COL4A4: variants seen among roughly 807,000 people sequenced by gnomAD.
COL4A4 encodes collagen type IV alpha 4 chain.
A neutral mutation model predicts 192.9 loss-of-function variants in COL4A4; 105 were observed. That is an observed-to-expected ratio of 0.54 (90% confidence interval 0.46 to 0.64). The LOEUF is 0.64. Among genes scored for constraint, COL4A4 ranks in the 30% least tolerant of loss-of-function variants. The probability of loss-of-function intolerance (pLI) is 0.00; values close to 1 mark genes in which losing one functional copy is unlikely to be tolerated. For synonymous variants in COL4A4, 762 were observed against 769.9 expected (o/e 0.99, Z 0.17); for missense variants, 1,967 against 2,169.3 (o/e 0.91, Z 1.85).
chr2:226,988,606 C>A, the COL4A4 span: 1 of 1,359,636 alleles, frequency 7.4e-7, no homozygotes, highest in Non-Finnish European at 9.5e-7. Flanking sequence ...GGGGCTCCAG[C>A]TGCCCCTCCG....
At chr2:227,050,720 T>C (rs368781865) in intron 33 of COL4A4, among the ~76,000 whole-genome samples, 71 of 152,290 alleles carry the variant, frequency 4.7e-4, no homozygotes, top group African/African-American at 1.7e-3. Context: ...CAAGTCTTCA[T>C]GGGTGGTTTA....
intron 18 of COL4A4, among the ~76,000 whole-genome samples, chr2:227,099,367 A>G (rs2060379739): frequency 1.3e-5 from 2 of 152,252 alleles, no homozygotes; most frequent in South Asian, 4.1e-4. Flanking sequence ...GAACCCAGCC[A>G]GTAAAATAGT....
chr2:226,970,044 A>G, the COL4A4 span, among the ~76,000 whole-genome samples: 1 of 127,594 alleles, frequency 7.8e-6, no homozygotes, highest in Non-Finnish European at 1.6e-5. Context: ...ACCTGGTCAC[A>G]TCGTCATCCC....
At chr2:227,039,385 G>C (rs990557658) in intron 37 of COL4A4, among the ~76,000 whole-genome samples, 1 of 152,106 alleles carries the variant, frequency 6.6e-6, no homozygotes, top group African/African-American at 2.4e-5. Context: ...TGGCCAGGCT[G>C]GTCTCGAACT....
chr2:227,130,843 A>G (rs532009303), intron 4 of COL4A4, among the ~76,000 whole-genome samples: 72 of 152,080 alleles, frequency 4.7e-4, no homozygotes, highest in South Asian at 1.0e-3. Context: ...GCATGCCTCT[A>G]ACTGCCTGCC....
chr2:227,088,514 C>A, intron 22 of COL4A4, 139 bp downstream of exon 22: 1 of 1,118,434 alleles, frequency 8.9e-7, no homozygotes, highest in Non-Finnish European at 1.3e-6. Context: ...GGCCTCCCCA[C>A]CCATACAGAA....
the COL4A4 span, among the ~76,000 whole-genome samples, chr2:226,986,771 G>A: frequency 6.6e-6 from 1 of 152,208 alleles, no homozygotes; most frequent in Non-Finnish European, 1.5e-5. Context: ...AGATAGTGTG[G>A]CGATTCCTCA....
intron 20 of COL4A4, among the ~76,000 whole-genome samples, chr2:227,093,031 T>C (rs1424782395): frequency 6.6e-6 from 1 of 152,154 alleles, no homozygotes; most frequent in Admixed American, 6.5e-5. Context: ...GGGATTTGAG[T>C]TATCCATACC....
chr2:227,128,226 A>G (rs1202183917), intron 4 of COL4A4, among the ~76,000 whole-genome samples: 1 of 152,148 alleles, frequency 6.6e-6, no homozygotes, highest in Non-Finnish European at 1.5e-5. Context: ...GCCTAGCACA[A>G]TGGAGGGTTC....
intron 24 of COL4A4, among the ~76,000 whole-genome samples, chr2:227,078,425 TAG>T (rs1453507260): frequency 1.3e-5 from 2 of 152,094 alleles, no homozygotes; most frequent in Non-Finnish European, 2.9e-5. Flanking sequence ...GTATTTTTAG[TAG>T]AGACTGAGTT....
chr2:227,014,769 G>A (rs990806430), intron 44 of COL4A4, among the ~76,000 whole-genome samples: 15 of 152,082 alleles, frequency 9.9e-5, no homozygotes, highest in Admixed American at 9.2e-4. Context: ...GGAGTGGAGT[G>A]GCACAATCTC....
intron 43 of COL4A4, among the ~76,000 whole-genome samples, chr2:227,024,808 T>C (rs1391985338): frequency 6.6e-6 from 1 of 152,248 alleles, no homozygotes; most frequent in Non-Finnish European, 1.5e-5. Context: ...TATGGGTGAC[T>C]TGAGAGAGAT....
At chr2:227,107,572 C>T (rs60266488) in intron 12 of COL4A4, among the ~76,000 whole-genome samples, 21,983 of 152,024 alleles carry the variant, frequency 0.14, 4,013 homozygotes, top group African/African-American at 0.43. Flanking sequence ...TACTCAATCA[C>T]GCTGGAACTC....
intron 37 of COL4A4, 31 bp from the exon 38 acceptor site, chr2:227,033,512 G>A: frequency 6.3e-7 from 1 of 1,597,392 alleles, no homozygotes. Context: ...GTGACCCAAA[G>A]GAAGACCAGC....
chr2:226,995,511 G>A, the COL4A4 span: 2 of 1,609,202 alleles, frequency 1.2e-6, no homozygotes, highest in East Asian at 2.2e-5. Context: ...TCACAGATTC[G>A]ATAGCCAGTG....
chr2:227,016,694 C>T (rs1964939797), intron 44 of COL4A4, among the ~76,000 whole-genome samples: 1 of 152,170 alleles, frequency 6.6e-6, no homozygotes, highest in Non-Finnish European at 1.5e-5. Context: ...CTTCTTCTTA[C>T]ATCCCTACGA....
At chr2:227,015,993 AG>A (rs1485244513) in intron 44 of COL4A4, among the ~76,000 whole-genome samples, 3 of 152,020 alleles carry the variant, frequency 2.0e-5, no homozygotes, top group Non-Finnish European at 4.4e-5. Flanking sequence ...CATAGGCTAA[AG>A]GTACATCTCC....
the COL4A4 span, chr2:226,988,551 T>C: frequency 2.1e-6 from 3 of 1,418,816 alleles, no homozygotes; most frequent in Non-Finnish European, 2.8e-6. Context: ...TGGCCCTCTC[T>C]GCGGACTGGT....
chr2:227,125,983 C>T (rs879725046), intron 4 of COL4A4, among the ~76,000 whole-genome samples: 4 of 152,096 alleles, frequency 2.6e-5, no homozygotes, highest in Non-Finnish European at 4.4e-5. Flanking sequence ...TAAGGTAGCC[C>T]ACTTCTACCC....
Sources: allele counts gnomAD v4.1 joint callset (sites outside exome capture counted in the v4.1 genomes callset), GRCh38; gene constraint gnomAD v4.1.1; transcripts MANE v1.5; gene names NCBI Gene and HGNC (gene_info 2026-07-23, HGNC 2026-07-21).